Variants in SGMS2 observed in about 807,000 individuals in gnomAD.
SGMS2 encodes the protein phosphatidylcholine:ceramide cholinephosphotransferase 2.
A neutral mutation model predicts 43.8 loss-of-function variants in SGMS2; 21 were observed. That is an observed-to-expected ratio of 0.48 (90% CI 0.34 to 0.69). The LOEUF is 0.69. Among genes scored for constraint, SGMS2 ranks in the 30% least tolerant of loss-of-function variants. SGMS2 has a pLI of 0.01. For missense variants in SGMS2, 384 were observed against 443.2 expected, an observed-to-expected ratio of 0.87 and a Z score of 1.20; for synonymous variants, 167 against 160.6, an observed-to-expected ratio of 1.04 and a Z score of -0.30.
chr4:107,848,804 T>C (rs1456366951), intron 1 of SGMS2, among the ~76,000 whole-genome samples: 3 of 152,186 alleles, frequency 2.0e-5, no homozygotes, highest in African/African-American at 7.2e-5. Flanking sequence ...AGAATATGTT[T>C]TTTATCAGAT....
chr4:107,900,693 T>C (rs1489294639), intron 4 of SGMS2, among the ~76,000 whole-genome samples: 1 of 152,178 alleles, frequency 6.6e-6, no homozygotes, highest in African/African-American at 2.4e-5. Flanking sequence ...TTACAAATCA[T>C]GTGCTTTCTG....
At chr4:107,827,130 T>G (rs947165489) in intron 1 of SGMS2, among the ~76,000 whole-genome samples, 17 of 152,074 alleles carry the variant, frequency 1.1e-4, no homozygotes, top group African/African-American at 3.9e-4. Flanking sequence ...TGCTTTGAGG[T>G]GAGATGTTTC....
At chr4:107,877,839 A>G (rs1729023744) in intron 2 of SGMS2, among the ~76,000 whole-genome samples, 1 of 151,866 alleles carries the variant, frequency 6.6e-6, no homozygotes, top group Admixed American at 6.6e-5. Flanking sequence ...GTCATACTTC[A>G]CTAGCAATAA....
intron 2 of SGMS2, among the ~76,000 whole-genome samples, chr4:107,872,194 CT>C (rs1033586297): frequency 6.6e-6 from 1 of 152,024 alleles, no homozygotes; most frequent in Non-Finnish European, 1.5e-5. Flanking sequence ...TCCTGATGTT[CT>C]TTTGACTTGA....
intron 1 of SGMS2, among the ~76,000 whole-genome samples, chr4:107,847,446 G>C (rs1187921604): frequency 6.6e-6 from 1 of 151,814 alleles, no homozygotes; most frequent in Non-Finnish European, 1.5e-5. Flanking sequence ...TTATTTCTGA[G>C]GGCTCTGTTC....
At chr4:107,825,700 C>T (rs570689551) in intron 1 of SGMS2, among the ~76,000 whole-genome samples, 5 of 150,622 alleles carry the variant, frequency 3.3e-5, no homozygotes, top group Non-Finnish European at 7.4e-5. Flanking sequence ...CAGCCCACAC[C>T]GAAACCCTTC....
intron 1 of SGMS2, among the ~76,000 whole-genome samples, chr4:107,851,539 A>G (rs1350502372): frequency 1.3e-5 from 2 of 152,206 alleles, no homozygotes; most frequent in Admixed American, 6.5e-5. Flanking sequence ...ACTCAGGTAT[A>G]GCCATTCTGC....
At chr4:107,866,796 T>C (rs540098603) in intron 2 of SGMS2, 10 of 152,284 alleles carry the variant, frequency 6.6e-5, no homozygotes, top group African/African-American at 2.4e-4. Context: ...ATCTTTTATT[T>C]CTTTCGTTTT....
At chr4:107,839,825 A>G (rs1022495348) in intron 1 of SGMS2, among the ~76,000 whole-genome samples, 3 of 152,162 alleles carry the variant, frequency 2.0e-5, no homozygotes, top group African/African-American at 4.8e-5. Context: ...ACTTTACTAG[A>G]GGGAGACACA....
chr4:107,831,165 A>T (rs905442451), intron 1 of SGMS2, among the ~76,000 whole-genome samples: 1 of 152,206 alleles, frequency 6.6e-6, no homozygotes, highest in African/African-American at 2.4e-5. Context: ...AGCTGATTCT[A>T]ATGCCATGCA....
At chr4:107,902,432 T>C (rs1386093128) in intron 4 of SGMS2, among the ~76,000 whole-genome samples, 1 of 152,154 alleles carries the variant, frequency 6.6e-6, no homozygotes, top group Non-Finnish European at 1.5e-5. Context: ...CCCTCAATAA[T>C]TCAGTATTCC....
chr4:107,910,298 A>C, intron 6 of SGMS2, 52 bp from the exon 7 acceptor site: 2 of 1,438,044 alleles, frequency 1.4e-6, no homozygotes, highest in South Asian at 2.4e-5. Flanking sequence ...AATAATTGGG[A>C]TGCAAATTGA....
Position 107,895,834 on chromosome 4 carries a change from C to T in SGMS2, c.281C>T (p.Thr94Ile), listed in dbSNP as rs777569129. The T allele has an allele frequency of 1.3e-5, 21 of 1,613,890 alleles. No individual in the cohort carries two copies. The highest frequency in any genetic ancestry group is 3.3e-5 in the Admixed American group (2 of 59,960). Residue 94 changes from threonine (T) to isoleucine (I), a missense_variant, in exon 3 of 7, where the codon ACC becomes ATC. Transcript: ENST00000690982. ...IYAVFNLVLT[T>I]VMITVVHERV... ...GCAGTTTTCAACCTCGTCTTGACAA[C>T]CGTCATGATCACAGTTGTACATGAG...
At chr4:107,901,083 T>C (rs1181824879) in intron 4 of SGMS2, among the ~76,000 whole-genome samples, 1 of 152,154 alleles carries the variant, frequency 6.6e-6, no homozygotes, top group African/African-American at 2.4e-5. Context: ...AGAAAGTAAA[T>C]TAAAGATTGT....
At chr4:107,892,530 C>T (rs905173964) in intron 2 of SGMS2, among the ~76,000 whole-genome samples, 3 of 152,158 alleles carry the variant, frequency 2.0e-5, no homozygotes, top group Non-Finnish European at 4.4e-5. Flanking sequence ...TGAGGTTGCA[C>T]ACCCATGACA....
At chr4:107,841,159 G>T (rs1393528560) in intron 1 of SGMS2, among the ~76,000 whole-genome samples, 1 of 152,186 alleles carries the variant, frequency 6.6e-6, no homozygotes, top group African/African-American at 2.4e-5. Context: ...GAATATTAAA[G>T]TTGAGAAGCT....
intron 1 of SGMS2, among the ~76,000 whole-genome samples, chr4:107,841,526 T>G (rs1319863807): frequency 1.3e-5 from 2 of 152,180 alleles, no homozygotes; most frequent in Non-Finnish European, 2.9e-5. Flanking sequence ...AAATTGTCCT[T>G]GGATCTTCAG....
At chr4:107,889,237 A>T (rs1346605629) in intron 2 of SGMS2, among the ~76,000 whole-genome samples, 3 of 152,196 alleles carry the variant, frequency 2.0e-5, no homozygotes, top group African/African-American at 7.2e-5. Flanking sequence ...TGTCTTGTTT[A>T]TTAAAGGTTA....
intron 2 of SGMS2, among the ~76,000 whole-genome samples, chr4:107,875,460 A>G (rs1728840786): frequency 6.6e-6 from 1 of 152,164 alleles, no homozygotes; most frequent in Non-Finnish European, 1.5e-5. Context: ...AATATTGAGA[A>G]CACATGGACA....
Sources: gnomAD v4.1 joint callset for allele counts (sites outside exome capture counted in the v4.1 genomes callset) on GRCh38, gnomAD v4.1.1 for gene constraint, MANE v1.5 for transcripts, NCBI Gene and HGNC (gene_info 2026-07-23, HGNC 2026-07-21) for gene names.